Variants in NXPE2 observed in about 807,000 individuals in gnomAD.
NXPE2 encodes the protein neurexophilin and PC-esterase domain family member 2.
Under a neutral mutation model 34.4 loss-of-function variants are expected in NXPE2, and 34 were observed. That is an observed-to-expected ratio of 0.99 (90% CI 0.75 to 1.31). NXPE2 has a LOEUF of 1.31. Ranked by LOEUF, NXPE2 falls within the 40% of genes most tolerant of loss-of-function variation. NXPE2 has a pLI of 0.00. For missense variants in NXPE2, 649 were observed against 672.5 expected, an observed-to-expected ratio of 0.97 and a Z score of 0.39; for synonymous variants, 235 against 231.3, an observed-to-expected ratio of 1.02 and a Z score of -0.15.
the NXPE2 span, among the ~76,000 whole-genome samples, chr11:114,643,157 C>T: frequency 2.0e-5 from 3 of 151,942 alleles, no homozygotes; most frequent in Admixed American, 2.0e-4. Flanking sequence ...TGGATATTAG[C>T]CCTTTGTCAG....
the NXPE2 span, among the ~76,000 whole-genome samples, chr11:114,768,182 T>G: frequency 2.0e-5 from 3 of 152,294 alleles, no homozygotes; most frequent in East Asian, 5.8e-4. Flanking sequence ...TTTCCCCATT[T>G]CTTGTTTTTG....
At chr11:114,716,641 G>A in the NXPE2 span, among the ~76,000 whole-genome samples, 27,805 of 152,038 alleles carry the variant, frequency 0.18, 2,933 homozygotes, top group East Asian at 0.37. Flanking sequence ...AGAAAGCTCC[G>A]TGATGCCCCT....
intron 2 of NXPE2, among the ~76,000 whole-genome samples, chr11:114,694,270 A>G (rs928040547): frequency 6.6e-6 from 1 of 152,224 alleles, no homozygotes; most frequent in East Asian, 1.9e-4. Flanking sequence ...TTGCCATGTA[A>G]CTTAACATAT....
At chr11:114,711,304 GAC>G (rs1291492772), downstream of NXPE2, among the ~76,000 whole-genome samples, 1 of 151,696 alleles carries the variant, frequency 6.6e-6, no homozygotes, top group African/African-American at 2.4e-5. Context: ...AAAAAGAAAA[GAC>G]ACACAATTGG....
the NXPE2 span, among the ~76,000 whole-genome samples, chr11:114,637,372 G>T: frequency 2.6e-5 from 4 of 151,938 alleles, no homozygotes; most frequent in South Asian, 8.3e-4. Flanking sequence ...CCTGTGAGAT[G>T]GGTTTCCTGA....
chr11:114,664,176 C>T, the NXPE2 span, among the ~76,000 whole-genome samples: 2 of 152,132 alleles, frequency 1.3e-5, no homozygotes, highest in African/African-American at 4.8e-5. Context: ...CTGCTGAATG[C>T]TGTAATTCAG....
chr11:114,743,314 T>A, the NXPE2 span, among the ~76,000 whole-genome samples: 2 of 152,210 alleles, frequency 1.3e-5, no homozygotes, highest in African/African-American at 4.8e-5. Flanking sequence ...CAGTAAATTA[T>A]GCATGTTATG....
chr11:114,615,593 T>A, the NXPE2 span, among the ~76,000 whole-genome samples: 1 of 144,698 alleles, frequency 6.9e-6, no homozygotes, highest in African/African-American at 2.7e-5. Context: ...TGAATAATAT[T>A]TGCTGCCTCA....
At chr11:114,775,383 T>G in the NXPE2 span, among the ~76,000 whole-genome samples, 1 of 152,114 alleles carries the variant, frequency 6.6e-6, no homozygotes, top group Non-Finnish European at 1.5e-5. Context: ...AAGCAGTTGT[T>G]AGGGGGGGCA....
At chr11:114,518,719 G>A in the NXPE2 span, among the ~76,000 whole-genome samples, 7 of 152,152 alleles carry the variant, frequency 4.6e-5, no homozygotes, top group Non-Finnish European at 8.8e-5. Context: ...TAACAGAAAT[G>A]TTTTTGGGGA....
chr11:114,697,934 G>T, intron 2 of NXPE2, 111 bp from the exon 3 acceptor site: 1 of 1,073,472 alleles, frequency 9.3e-7, no homozygotes, highest in Non-Finnish European at 1.3e-6. Context: ...ATCGATTTTT[G>T]ATATTTAATT....
At chr11:114,522,273 T>G in the NXPE2 span, 1 of 1,614,050 alleles carries the variant, frequency 6.2e-7, no homozygotes, top group South Asian at 1.1e-5. Context: ...AAAATGTCAA[T>G]GGGAAATGGT....
the NXPE2 span, among the ~76,000 whole-genome samples, chr11:114,593,857 T>C: frequency 6.6e-6 from 1 of 152,106 alleles, no homozygotes. Context: ...AAGAACAAGA[T>C]TCTGTCATTT....
chr11:114,499,339 CTATTTT>C, the NXPE2 span, among the ~76,000 whole-genome samples: 1 of 151,994 alleles, frequency 6.6e-6, no homozygotes, highest in Non-Finnish European at 1.5e-5. Context: ...TTTATCAAAT[CTATTTT>C]TATTTTCTAA....
the NXPE2 span, among the ~76,000 whole-genome samples, chr11:114,729,034 G>A: frequency 2.4e-3 from 361 of 152,116 alleles, no homozygotes; most frequent in African/African-American, 8.3e-3. Context: ...CCCAGATTGA[G>A]CATGGTACCC....
the NXPE2 span, among the ~76,000 whole-genome samples, chr11:114,467,530 A>AGT: frequency 1.9e-3 from 289 of 152,306 alleles, no homozygotes; most frequent in African/African-American, 6.8e-3. Context: ...TGAGCCCTGG[A>AGT]AATAGGGAAG....
At chr11:114,679,884 CA>C (rs1390769734) in intron 2 of NXPE2, 122 bp downstream of exon 2, 1 of 604,822 alleles carries the variant, frequency 1.7e-6, no homozygotes, top group African/African-American at 1.8e-5. Flanking sequence ...GAATGTGGAT[CA>C]GGGGTTCACT....
the NXPE2 span, among the ~76,000 whole-genome samples, chr11:114,659,857 A>C: frequency 6.6e-6 from 1 of 152,076 alleles, no homozygotes; most frequent in Admixed American, 6.6e-5. Context: ...AAACAGAAAC[A>C]AAATAAAGTA....
intron 2 of NXPE2, among the ~76,000 whole-genome samples, chr11:114,683,257 A>G (rs566534413): frequency 1.3e-5 from 2 of 152,236 alleles, no homozygotes; most frequent in South Asian, 4.1e-4. Flanking sequence ...TTTAACAGCC[A>G]GTCATTTTAC....
Sources: gnomAD v4.1 joint callset for allele counts (sites outside exome capture counted in the v4.1 genomes callset) on GRCh38, gnomAD v4.1.1 for gene constraint, MANE v1.5 for transcripts, NCBI Gene and HGNC (gene_info 2026-07-23, HGNC 2026-07-21) for gene names.